Variants in ABCC12 observed in about 807,000 individuals in gnomAD.
The protein encoded by ABCC12 is ATP-binding cassette sub-family C member 12.
Under a neutral mutation model 151.1 loss-of-function variants are expected in ABCC12, and 142 were observed. The observed-to-expected ratio is 0.94, with a 90% CI of 0.82 to 1.08. The LOEUF (loss-of-function observed/expected upper bound fraction) is 1.08. ABCC12 is among the 50% of genes least tolerant of loss of function. The pLI is 0.00. For synonymous variants in ABCC12, 645 were observed against 646.4 expected (o/e 1.00, Z 0.03); for missense variants, 1,638 against 1,691.1 (o/e 0.97, Z 0.55).
rs200103308 is a variant in ABCC12 at position 48,143,937 on chromosome 16, T to G, written c.248A>C (p.Tyr83Ser). ...TVDTLPPLST[Y>S]DSSDTNAKRF... ...TTTGGCATTGGTGTCAGATGAGTCA[T>G]ATGTCGACAATGGGGGCAGGGTGTC... Residue 83 changes from tyrosine (Y) to serine (S), a missense_variant, in exon 4 of 31, where the codon TAT becomes TCT. Coordinates refer to ENST00000311303, the MANE Select transcript of ABCC12 (RefSeq NM_001393797.1). 4.6e-5 allele frequency: 74 copies of G among 1,614,038 alleles called. No individual in the cohort carries two copies. In the Middle Eastern group the frequency reaches 8.2e-4, roughly 18 times the overall value.
At chr16:48,102,778 C>T (rs1441199944) in intron 22 of ABCC12, among the ~76,000 whole-genome samples, 1 of 152,204 alleles carries the variant, frequency 6.6e-6, no homozygotes. Flanking sequence ...ATTCCCCAAA[C>T]CGCTTCTCCT....
chr16:48,091,283 G>T, intron 24 of ABCC12, 74 bp from the exon 25 acceptor site: 1 of 1,362,826 alleles, frequency 7.3e-7, no homozygotes, highest in Non-Finnish European at 1.1e-6. Context: ...CGTTCAGGAG[G>T]CAGTCCTAGT....
At chr16:48,112,761 G>A (rs1022151461) in intron 15 of ABCC12, among the ~76,000 whole-genome samples, 1 of 152,124 alleles carries the variant, frequency 6.6e-6, no homozygotes, top group Non-Finnish European at 1.5e-5. Context: ...TAGCCCAGGA[G>A]AAGCAGACCA....
At chr16:48,122,456 G>C in intron 12 of ABCC12, among the ~76,000 whole-genome samples, 1 of 152,268 alleles carries the variant, frequency 6.6e-6, no homozygotes, top group Non-Finnish European at 1.5e-5. Context: ...ATGGGCTCCA[G>C]TTTGTGACCC....
chr16:48,141,456 C>G, intron 4 of ABCC12, 103 bp from the exon 5 acceptor site: 33 of 1,470,120 alleles, frequency 2.2e-5, no homozygotes, highest in Non-Finnish European at 3.0e-5. Flanking sequence ...GCAGAGCCCC[C>G]CTCCCTGGCA....
In ABCC12 at chr16:48,096,868, A is replaced by G. The variant is rs1963116798; in HGVS notation, c.3073T>C (p.Phe1025Leu). 3 of 1,614,138 alleles carry G rather than the reference A, an allele frequency of 1.9e-6. No individual in the cohort carries two copies. Among genetic ancestry groups the G allele is most frequent in the East Asian group, 4.5e-5 (2 of 44,882 alleles). The change falls in exon 24 of 31, where the codon TTT (phenylalanine) becomes CTT (leucine). Residue 1025 changes from phenylalanine (F) to leucine (L), a missense_variant. Physicochemically the swap from Phe to Leu is conservative, Grantham distance 22 (BLOSUM62 0). Coordinates refer to ENST00000311303, the MANE Select transcript of ABCC12 (RefSeq NM_001393797.1). ...ATGAGGACATCCATTCTCAGCGCAA[A>G]CCACCTGAGAGCACAGTTAAAGTAG... ...LLYFNCALRWFALRMDVLMNI... is the reference protein window; with the variant it reads ...LLYFNCALRWLALRMDVLMNI...
chr16:48,142,011 T>G (rs912321899), intron 4 of ABCC12, among the ~76,000 whole-genome samples: 1 of 151,858 alleles, frequency 6.6e-6, no homozygotes, highest in African/African-American at 2.4e-5. Flanking sequence ...GAGGTGGCAG[T>G]GGAATTAAAG....
intron 19 of ABCC12, among the ~76,000 whole-genome samples, chr16:48,107,819 T>G (rs534232633): frequency 7.2e-5 from 11 of 152,192 alleles, no homozygotes; most frequent in African/African-American, 2.6e-4. Context: ...CTGGCCAACA[T>G]GGTGAAACCT....
At chr16:48,154,382 A>AG (rs1431260642) in intron 1 of ABCC12, among the ~76,000 whole-genome samples, 1 of 152,168 alleles carries the variant, frequency 6.6e-6, no homozygotes, top group Non-Finnish European at 1.5e-5. Context: ...TAAAAAAAAA[A>AG]TAAGACTGGC....
At chr16:48,133,306 G>A (rs1219392220) in intron 9 of ABCC12, among the ~76,000 whole-genome samples, 2 of 152,094 alleles carry the variant, frequency 1.3e-5, no homozygotes, top group African/African-American at 4.8e-5. Context: ...TGGACTACCT[G>A]AGGTCGGGAG....
At position 48,128,343 on chromosome 16, in the gene ABCC12, G is replaced by C. The variant is rs570811247; in HGVS notation, c.1515+116C>G. The C allele has an allele frequency of 4.8e-6, 7 of 1,449,498 alleles. No individual in the cohort carries two copies. The South Asian group carries it at 9.5e-5, about 20-fold the overall frequency. The allele number at this position is 1,449,498 out of a possible 1,614,324, so 89.8% of individuals were successfully genotyped here. A position where few individuals can be genotyped will look rare whatever the true frequency, so the allele number is the denominator to read the frequency against. On this transcript the variant is annotated intron_variant, in intron 11 of 30. Coordinates refer to ENST00000311303, the MANE Select transcript of ABCC12 (RefSeq NM_001393797.1). ...GGGAAAAATACAGGGACTCTGGTTA[G>C]AGACATCCCATCACCACCTTCAGCT...
intron 12 of ABCC12, 70 bp from the exon 13 acceptor site, chr16:48,121,910 C>G (rs1964083897): frequency 3.1e-6 from 5 of 1,598,422 alleles, no homozygotes; most frequent in Non-Finnish European, 2.6e-6. Flanking sequence ...GCCCATTGCA[C>G]CCTGGCACCC....
Position 48,085,668 on chromosome 16 carries a change from T to G in ABCC12, c.3753A>C (p.Thr1251=). 6.2e-7 allele frequency: 1 copy of G among 1,614,218 alleles called. No individual in the cohort carries two copies. Among genetic ancestry groups the G allele is most frequent in the Non-Finnish European group, 8.5e-7 (1 of 1,180,036 alleles). Residue 1251 remains threonine (T), a synonymous_variant, in exon 29 of 31, where the codon ACA becomes ACC. Transcript: ENST00000311303. Reference sequence around the variant, plus strand: ...CTACTGAGAAGTTTTCTCCATTTTCTGTGACTTCTGCCTGTAATTTTTCTG... The same window carrying G: ...CTACTGAGAAGTTTTCTCCATTTTCGGTGACTTCTGCCTGTAATTTTTCTG... ...KLPEKLQAEV[T]ENGENFSVGE...
intron 24 of ABCC12, among the ~76,000 whole-genome samples, chr16:48,091,704 T>A (rs990548069): frequency 1.3e-5 from 2 of 152,220 alleles, no homozygotes; most frequent in African/African-American, 2.4e-5. Flanking sequence ...AGGCTCAGAC[T>A]GGGGCATGTG....
chr16:48,134,813 G>A (rs1442302618), intron 8 of ABCC12, among the ~76,000 whole-genome samples: 3 of 152,178 alleles, frequency 2.0e-5, no homozygotes, highest in African/African-American at 7.2e-5. Context: ...AGCACTTTGG[G>A]AGGCCGAGGC....
At chr16:48,111,976 C>T in intron 15 of ABCC12, 66 bp from the exon 16 acceptor site, 4 of 1,564,878 alleles carry the variant, frequency 2.6e-6, no homozygotes, top group Non-Finnish European at 3.5e-6. Context: ...AAACTCCTCT[C>T]CAACCTTAGT....
chr16:48,104,498 G>A, intron 21 of ABCC12, 130 bp from the exon 22 acceptor site: 1 of 771,450 alleles, frequency 1.3e-6, no homozygotes, highest in South Asian at 1.7e-5. Flanking sequence ...TGTGTCAGGT[G>A]ATCTTGGGAA....
intron 9 of ABCC12, among the ~76,000 whole-genome samples, chr16:48,132,587 G>A (rs1964465226): frequency 6.6e-6 from 1 of 151,752 alleles, no homozygotes; most frequent in Admixed American, 6.6e-5. Flanking sequence ...ATATTTAGTT[G>A]GTTTTTTCTT....
chr16:48,120,691 G>A (rs1050995968), intron 13 of ABCC12, among the ~76,000 whole-genome samples: 8 of 151,896 alleles, frequency 5.3e-5, no homozygotes, highest in African/African-American at 1.7e-4. Context: ...GAGTAGCTGG[G>A]ATTACAGGTG....
Sources: gnomAD v4.1 joint callset for allele counts (sites outside exome capture counted in the v4.1 genomes callset) on GRCh38, gnomAD v4.1.1 for gene constraint, MANE v1.5 for transcripts, NCBI Gene and HGNC (gene_info 2026-07-23, HGNC 2026-07-21) for gene names.